Variants in SFTPD observed in about 807,000 individuals in gnomAD.
SFTPD encodes the protein pulmonary surfactant-associated protein D.
A neutral mutation model predicts 34.6 loss-of-function variants in SFTPD; 18 were observed. That is an observed-to-expected ratio of 0.52 (90% CI 0.36 to 0.77). SFTPD has a LOEUF of 0.77. Ranked by LOEUF, SFTPD falls within the 30% of genes least tolerant of loss-of-function variation. SFTPD has a pLI of 0.00. For missense variants in SFTPD, 433 were observed against 468.9 expected, an observed-to-expected ratio of 0.92 and a Z score of 0.71; for synonymous variants, 155 against 180.9, an observed-to-expected ratio of 0.86 and a Z score of 1.15.
At position 79,938,198 on chromosome 10, in the gene SFTPD, C is replaced by A. The variant is rs978752105; in HGVS notation, c.782G>T (p.Gly261Val). 1 of 1,599,264 alleles carries A rather than the reference C, an allele frequency of 6.3e-7. No individual in the cohort carries two copies. Among genetic ancestry groups the A allele is most frequent in the Non-Finnish European group, 8.6e-7 (1 of 1,167,736 alleles). ...VELFPNGQSVGEKIFKTAGFV... is the reference protein window; with the variant it reads ...VELFPNGQSVVEKIFKTAGFV... ...GCCTGCTGTCTTGAAAATCTTCTCC[C>A]CGACACTTTGGCCATTTGGGAAGAG... The change falls in exon 8 of 8, where the codon GGG (glycine) becomes GTG (valine). Residue 261 changes from glycine to valine, a missense_variant. By Grantham distance (109) the Gly-to-Val change is moderately radical. Transcript: ENST00000372292.
At chr10:79,972,523 C>CAT (rs1273546781) in intron 1 of SFTPD, 1 of 151,858 alleles carries the variant, frequency 6.6e-6, no homozygotes, top group Non-Finnish European at 1.5e-5. Flanking sequence ...GACACACACA[C>CAT]ACACACACAC....
chr10:79,946,413 C>A (rs1399958240), intron 2 of SFTPD, 48 bp downstream of exon 2: 2 of 1,405,956 alleles, frequency 1.4e-6, no homozygotes, highest in South Asian at 2.3e-5. Flanking sequence ...AGTTACAGTT[C>A]CAATGACCAT....
At chr10:79,950,174 T>C (rs1564531380), upstream of SFTPD, 3 of 152,212 alleles carry the variant, frequency 2.0e-5, no homozygotes, top group African/African-American at 7.2e-5. Flanking sequence ...GAACATTTAC[T>C]CCATTTATTA....
rs536609648 is a variant in SFTPD at position 79,958,190 on chromosome 10, A to G, written c.37-11528T>C. Among the ~76,000 whole-genome samples the G allele has an allele frequency of 2.5e-3, 385 of 152,356 alleles. 2 individuals are homozygous for G. Among genetic ancestry groups the G allele is most frequent in the African/African-American group, 9.0e-3 (373 of 41,592 alleles). On this transcript the variant is annotated intron_variant, in intron 1 of 5. Coordinates refer to the SFTPD transcript ENST00000444384. ...AGGAACAACTGGTACCAGCCACTGC[A>G]AAAACATGCCAAAATGTAAAGACCG...
intron 1 of SFTPD, among the ~76,000 whole-genome samples, chr10:79,957,967 C>G (rs1381461295): frequency 6.6e-6 from 1 of 152,214 alleles, no homozygotes; most frequent in African/African-American, 2.4e-5. Flanking sequence ...AGAAACTCTA[C>G]AAGCCAGAAG....
chr10:79,974,385 A>G (rs532030116), intron 1 of SFTPD, among the ~76,000 whole-genome samples: 2 of 151,752 alleles, frequency 1.3e-5, no homozygotes, highest in South Asian at 4.2e-4. Context: ...TCCTGACCTC[A>G]TGATCTGCCC....
chr10:79,937,931 T>C lies in SFTPD; in HGVS notation c.1049A>G (p.Asp350Gly). 6.2e-7 allele frequency: 1 copy of C among 1,610,060 alleles called. No individual in the cohort carries two copies. The highest frequency in any genetic ancestry group is 1.1e-5 in the South Asian group (1 of 90,658). Residue 350 changes from aspartate (D) to glycine (G), a missense_variant, in exon 8 of 8, where the codon GAC (aspartate) becomes GGC (glycine). Physicochemically the swap from Asp to Gly is moderately conservative, Grantham distance 94. Coordinates refer to ENST00000372292, the MANE Select transcript of SFTPD (RefSeq NM_003019.5). ...GCCATTGGTGAAGATCTCCACACAGTCCTCTGACCCGCCATCATCGTTGGG... is the reference window on the plus strand; with the variant it reads ...GCCATTGGTGAAGATCTCCACACAGCCCTCTGACCCGCCATCATCGTTGGG... ...GEPNDDGGSE[D>G]CVEIFTNGKW... is the part of the protein sequence containing the mutation.
chr10:79,951,823 C>G (rs957398207), upstream of SFTPD, among the ~76,000 whole-genome samples: 1 of 152,106 alleles, frequency 6.6e-6, no homozygotes, highest in Non-Finnish European at 1.5e-5. Context: ...GGACACAAAA[C>G]TGAGGGGCAC....
chr10:79,979,166 T>C (rs1215400408), intron 1 of SFTPD, among the ~76,000 whole-genome samples: 1 of 151,842 alleles, frequency 6.6e-6, no homozygotes, highest in Non-Finnish European at 1.5e-5. Context: ...ATAAATAAAA[T>C]ATCTAGGAAT....
rs80268129 is a variant in SFTPD at position 79,941,983 on chromosome 10, C to T, written c.521G>A (p.Arg174His). Residue 174 changes from arginine (R) to histidine (H), a missense_variant, in exon 5 of 8, where the codon CGT becomes CAT. Physicochemically the swap from Arg to His is conservative, Grantham distance 29 (BLOSUM62 0). Coordinates refer to ENST00000372292, the MANE Select transcript of SFTPD (RefSeq NM_003019.5). ...TGCCCCTGTGTTTCCAGGGACTCCA[C>T]GCTCACCAGGGACACCTCGCTCTCC... ...PKGERGVPGE[R>H]GVPGNTGAAG... 8.5e-4 allele frequency: 1,368 copies of T among 1,613,554 alleles called. 9 individuals are homozygous for T. The African/African-American group carries it at 0.011, about 13-fold the overall frequency.
In SFTPD at chr10:79,942,841, G is replaced by A. The variant is rs79085361; in HGVS notation, c.238C>T (p.Gln80Ter). 8.5e-5 allele frequency: 137 copies of A among 1,614,034 alleles called. 1 individual carries two copies. In the African/African-American group the frequency reaches 1.7e-3, roughly 19 times the overall value. The change falls in exon 3 of 8, where the codon CAA becomes TAA. Residue 80 changes from glutamine to a stop codon, truncating the protein, a stop_gained. Transcript: ENST00000372292. LOFTEE classifies it high-confidence loss of function. The part of the protein sequence containing the change: ...GAAGQAGMPG[Q>*]AGPVGPKGDN... ...CCTTTGGGCCCAACTGGGCCAGCTT[G>A]TCCAGGCATCCCTGCTTGCCCTGCA...
intron 1 of SFTPD, among the ~76,000 whole-genome samples, chr10:79,963,321 C>T (rs549037522): frequency 6.6e-6 from 1 of 150,606 alleles, no homozygotes; most frequent in Admixed American, 6.7e-5. Context: ...TGCACTCTAG[C>T]CTGAGTGAGA....
chr10:79,941,333 A>G lies in SFTPD; in HGVS notation c.667+65T>C, dbSNP rs1842609001. The stretch of plus-strand genomic sequence containing the variant: ...CCAGAGCCCCTCCTCTGGGATGAGG[A>G]GGGCTTCCTCTCTGCCCACCCATGC... On this transcript the variant is annotated intron_variant, in intron 6 of 7. Transcript: ENST00000372292. 6.5e-6 allele frequency: 9 copies of G among 1,380,772 alleles called. No individual in the cohort carries two copies. In the South Asian group the frequency reaches 1.1e-4, roughly 16 times the overall value. The allele number at this position is 1,380,772 out of a possible 1,614,324, so 85.5% of individuals were successfully genotyped here.
At chr10:79,981,967 C>A (rs1842893299) in intron 1 of SFTPD, 3 of 313,592 alleles carry the variant, frequency 9.6e-6, no homozygotes, top group South Asian at 6.6e-5. Flanking sequence ...TCCTTGTCTC[C>A]CGTGCCCGCG....
chr10:79,956,531 G>A (rs1350951242), intron 1 of SFTPD, among the ~76,000 whole-genome samples: 2 of 152,250 alleles, frequency 1.3e-5, no homozygotes, highest in East Asian at 1.9e-4. Context: ...AGGGGCCTAC[G>A]CCCACGGAGT....
intron 1 of SFTPD, chr10:79,970,575 A>T (rs1842829659): frequency 1.3e-5 from 2 of 151,944 alleles, no homozygotes. Flanking sequence ...CCTTGTAGAG[A>T]TCTTTTATCT....
upstream of SFTPD, among the ~76,000 whole-genome samples, chr10:79,953,684 C>A (rs574996912): frequency 1.3e-5 from 2 of 151,958 alleles, no homozygotes; most frequent in Middle Eastern, 3.4e-3. Context: ...TGTTTCCTTC[C>A]CTAAATTTGG....
intron 1 of SFTPD, among the ~76,000 whole-genome samples, chr10:79,964,951 C>T (rs781291954): frequency 6.6e-6 from 1 of 152,170 alleles, no homozygotes; most frequent in Non-Finnish European, 1.5e-5. Flanking sequence ...GGCCTTCCCA[C>T]CTCTATACAG....
At position 79,978,425 on chromosome 10, in the gene SFTPD, G is replaced by A. The variant is rs1043070929; in HGVS notation, c.36+4150C>T. 2.9e-4 allele frequency among the ~76,000 whole-genome samples: 44 copies of A among 152,252 alleles called. 1 individual carries two copies. Among genetic ancestry groups the A allele is most frequent in the African/African-American group, 4.6e-4 (19 of 41,548 alleles). ...CTAGCACTTTGGGAGGCCAACGTGG[G>A]TGGATCACTTGAGTTCAGGAGTTCA... On this transcript the variant is annotated intron_variant, in intron 1 of 5. Coordinates refer to the SFTPD transcript ENST00000444384.
Sources: gnomAD v4.1 joint callset for allele counts (sites outside exome capture counted in the v4.1 genomes callset) on GRCh38, gnomAD v4.1.1 for gene constraint, MANE v1.5 for transcripts, NCBI Gene and HGNC (gene_info 2026-07-23, HGNC 2026-07-21) for gene names.